The following LIPC variants were observed in gnomAD, a reference collection of about 807,000 sequenced individuals.
The protein encoded by LIPC is hepatic triacylglycerol lipase.
LIPC carries 44 observed loss-of-function variants against 50.7 expected under a neutral mutation model. The ratio of observed to expected loss-of-function variants is 0.87; its 90% CI spans 0.68 to 1.11. LIPC has a LOEUF of 1.11. Ranked by LOEUF, LIPC falls within the 50% of genes most tolerant of loss-of-function variation. The pLI is 0.00. For synonymous variants in LIPC, 271 were observed against 256.4 expected, an observed-to-expected ratio of 1.06 and a Z score of -0.54; for missense variants, 697 against 648.2, an observed-to-expected ratio of 1.08 and a Z score of -0.82.
intron 8 of LIPC, among the ~76,000 whole-genome samples, chr15:58,567,341 ATATGTATAT>A (rs1894420301): frequency 6.0e-5 from 1 of 16,776 alleles, no homozygotes; most frequent in African/African-American, 2.6e-4. Context: ...ATATATATGT[ATATGTATAT>A]ATATATATGT....
chr15:58,481,788 G>C (rs1009481697), intron 1 of LIPC, among the ~76,000 whole-genome samples: 1 of 152,230 alleles, frequency 6.6e-6, no homozygotes, highest in Admixed American at 6.5e-5. Context: ...AGCAGAGCGA[G>C]ACTCCATCTC....
chr15:58,465,193 T>A (rs569308403), intron 1 of LIPC, among the ~76,000 whole-genome samples: 2 of 152,144 alleles, frequency 1.3e-5, no homozygotes, highest in African/African-American at 4.8e-5. Context: ...CCTACATCTG[T>A]CCATGTCACC....
At chr15:58,492,815 A>T (rs1272003635) in intron 1 of LIPC, among the ~76,000 whole-genome samples, 1 of 152,204 alleles carries the variant, frequency 6.6e-6, no homozygotes, top group Non-Finnish European at 1.5e-5. Flanking sequence ...GGAAATCCAT[A>T]AACAGGTGCC....
At chr15:58,462,955 T>C (rs1251554311) in intron 1 of LIPC, among the ~76,000 whole-genome samples, 1 of 152,252 alleles carries the variant, frequency 6.6e-6, no homozygotes, top group Non-Finnish European at 1.5e-5. Context: ...ATTCCTTTAT[T>C]GCTAAGTGGC....
chr15:58,434,769 C>CGCTGCTCCCAAGAGCAGCT (rs71116564), intron 1 of LIPC: 16 of 151,832 alleles, frequency 1.1e-4, no homozygotes, highest in African/African-American at 3.4e-4. Context: ...TGAGAGCCAA[C>CGCTGCTCCCAAGAGCAGCT]GCTGCTCCTA....
At chr15:58,482,977 C>T (rs144057679) in intron 1 of LIPC, among the ~76,000 whole-genome samples, 277 of 152,274 alleles carry the variant, frequency 1.8e-3, no homozygotes, top group African/African-American at 6.3e-3. Flanking sequence ...TAGCGTCAGT[C>T]AGGGATGTGT....
intron 1 of LIPC, among the ~76,000 whole-genome samples, chr15:58,524,454 C>T (rs905335388): frequency 6.6e-6 from 1 of 152,172 alleles, no homozygotes; most frequent in Non-Finnish European, 1.5e-5. Context: ...GGGTAGAGTC[C>T]CATGCAGGAA....
intron 6 of LIPC, among the ~76,000 whole-genome samples, chr15:58,552,521 G>A (rs543217156): frequency 6.6e-6 from 1 of 152,014 alleles, no homozygotes; most frequent in African/African-American, 2.4e-5. Flanking sequence ...TCTTCCCCGT[G>A]CTGCCCTTCC....
At chr15:58,435,039 A>G (rs1246273784) in intron 1 of LIPC, 1 of 152,228 alleles carries the variant, frequency 6.6e-6, no homozygotes, top group African/African-American at 2.4e-5. Context: ...ATTATGTGAG[A>G]TATCAATATT....
rs1375968660 is a variant in LIPC, at chr15:58,567,231, G to T, written c.1389-1485G>T. On this transcript the variant is annotated intron_variant, in intron 8 of 8. Coordinates refer to ENST00000299022, the MANE Select transcript of LIPC (RefSeq NM_000236.3). Reference sequence around the variant, plus strand: ...AAATAAAAAATATATATATATATATGTATATATGTGTGTGTGTGTATATAT... The same window carrying T: ...AAATAAAAAATATATATATATATATTTATATATGTGTGTGTGTGTATATAT... Among the ~76,000 whole-genome samples, 10 of 136,048 alleles carry T rather than the reference G, an allele frequency of 7.4e-5. No individual in the cohort carries two copies. The South Asian group carries it at 1.4e-3, about 19-fold the overall frequency. The allele number at this position is 136,048 out of a possible 152,430, so 89.3% of individuals were successfully genotyped here.
chr15:58,562,069 T>C lies in LIPC; in HGVS notation c.1169+1088T>C, dbSNP rs542504379. ...AGCTCTTACCTACAGCAGAAAACTC[T>C]TGGTCCACAAGTCAACTCTTAGTGT... On this transcript the variant is annotated intron_variant, in intron 7 of 8. Coordinates refer to ENST00000299022, the MANE Select transcript of LIPC (RefSeq NM_000236.3). Among the ~76,000 whole-genome samples the C allele has an allele frequency of 4.6e-5, 7 of 152,360 alleles. No individual in the cohort carries two copies. The East Asian group carries it at 1.3e-3, about 29-fold the overall frequency.
chr15:58,548,263 G>T (rs541958282), intron 5 of LIPC, 67 bp from the exon 6 acceptor site: 1 of 1,611,268 alleles, frequency 6.2e-7, no homozygotes, highest in East Asian at 2.2e-5. Context: ...GAGAACCAAG[G>T]TGATCCTCTG....
intron 1 of LIPC, among the ~76,000 whole-genome samples, chr15:58,433,730 A>G (rs1893197810): frequency 6.6e-6 from 1 of 152,188 alleles, no homozygotes; most frequent in African/African-American, 2.4e-5. Flanking sequence ...ATTTTCCTTG[A>G]GCAATCTCAT....
intron 1 of LIPC, among the ~76,000 whole-genome samples, chr15:58,489,353 G>C (rs1373412246): frequency 1.8e-4 from 28 of 152,160 alleles, no homozygotes; most frequent in Admixed American, 1.6e-3. Flanking sequence ...TATTGTAGTA[G>C]AGTTTAACAC....
At chr15:58,514,187 C>T (rs1445692019) in intron 1 of LIPC, among the ~76,000 whole-genome samples, 3 of 152,212 alleles carry the variant, frequency 2.0e-5, no homozygotes, top group African/African-American at 7.2e-5. Flanking sequence ...CCAGCTCCTC[C>T]ACTTTCTAGC....
intron 1 of LIPC, among the ~76,000 whole-genome samples, chr15:58,492,790 T>A: frequency 6.6e-6 from 1 of 152,202 alleles, no homozygotes; most frequent in East Asian, 1.9e-4. Flanking sequence ...AACCCAAATA[T>A]CCCTGGGACA....
chr15:58,467,625 T>A (rs570329158), intron 1 of LIPC, among the ~76,000 whole-genome samples: 2 of 152,298 alleles, frequency 1.3e-5, no homozygotes, highest in Admixed American at 6.5e-5. Context: ...GCTCGGCTAC[T>A]TTTTCCTCCT....
chr15:58,562,893 T>C (rs7172821), intron 7 of LIPC, among the ~76,000 whole-genome samples: 8,190 of 151,256 alleles, frequency 0.054, 309 homozygotes, highest in Non-Finnish European at 0.086. Flanking sequence ...GGGATGGTTC[T>C]CAATAGTGGA....
At chr15:58,498,010 A>C (rs1348240777) in intron 1 of LIPC, 7 of 152,226 alleles carry the variant, frequency 4.6e-5, no homozygotes, top group Non-Finnish European at 8.8e-5. Context: ...CTTTCCGGCC[A>C]AAATATGATC....
Sources: gnomAD v4.1 joint callset for allele counts (sites outside exome capture counted in the v4.1 genomes callset) on GRCh38, gnomAD v4.1.1 for gene constraint, MANE v1.5 for transcripts, NCBI Gene and HGNC (gene_info 2026-07-23, HGNC 2026-07-21) for gene names.